The following KLC1 variants were observed in gnomAD, a reference collection of about 807,000 sequenced individuals.
The protein encoded by KLC1 is kinesin light chain 1, also known as kinesin 2 60/70kDa.
Under a neutral mutation model 84.2 loss-of-function variants are expected in KLC1, and 30 were observed. That is an observed-to-expected ratio of 0.36 (90% confidence interval 0.27 to 0.48). The LOEUF is 0.48. KLC1 is among the 20% of genes least tolerant of loss of function. The probability of loss-of-function intolerance (pLI) is 0.99; values close to 1 mark genes in which losing one functional copy is unlikely to be tolerated. For synonymous variants in KLC1, 289 were observed against 293.3 expected (o/e 0.99, Z 0.15); for missense variants, 499 against 805.4 (o/e 0.62, Z 4.60).
intron 2 of KLC1, 63 bp from the exon 3 acceptor site, chr14:103,657,483 C>T (rs2078925856): frequency 1.9e-5 from 25 of 1,335,520 alleles, no homozygotes; most frequent in Admixed American, 1.1e-4. Context: ...AATGTTCGCA[C>T]GGGTGGGAGG....
rs1010053852 is a variant in KLC1, at chr14:103,701,329, G to C, written c.*130G>C. On this transcript the variant is annotated 3_prime_UTR_variant, in exon 17 of 17. Coordinates refer to ENST00000334553, the MANE Select transcript of KLC1 (RefSeq NM_001394837.1). The stretch of plus-strand genomic sequence containing the variant: ...GCGCTCACTCATTTCTCCTGCGTCT[G>C]TGTGCATAGGACATGATACTAATAA... 2.0e-6 allele frequency: 2 copies of C among 999,798 alleles called. No homozygotes were observed. The highest frequency in any genetic ancestry group is 1.5e-6 in the Non-Finnish European group (1 of 671,608). 61.9% of individuals were successfully genotyped at this position (999,798 alleles called of 1,614,324 possible).
At chr14:103,656,657 T>C (rs2078862822) in intron 2 of KLC1, among the ~76,000 whole-genome samples, 1 of 152,162 alleles carries the variant, frequency 6.6e-6, no homozygotes, top group African/African-American at 2.4e-5. Flanking sequence ...TGTTTGGATA[T>C]TGTGAACGTA....
intron 1 of KLC1, among the ~76,000 whole-genome samples, chr14:103,650,941 A>G (rs778540381): frequency 6.6e-6 from 1 of 151,996 alleles, no homozygotes; most frequent in Non-Finnish European, 1.5e-5. Flanking sequence ...TCAGAAACGC[A>G]TTTTGTTTCT....
rs1567022490 is a variant in KLC1, at chr14:103,662,774, C to T, written c.644C>T (p.Thr215Met). The change falls in exon 5 of 17, where the codon ACG becomes ATG. Residue 215 changes from threonine to methionine, a missense_variant. Coordinates refer to ENST00000334553, the MANE Select transcript of KLC1 (RefSeq NM_001394837.1). ...GGYEIPARLR[T>M]LHNLVIQYAS... The stretch of plus-strand genomic sequence containing the variant: ...TACGAGATCCCCGCGCGGCTGCGGA[C>T]GCTCCACAACCTGGTGATCCAGTAC... The T allele has an allele frequency of 2.5e-6, 4 of 1,611,912 alleles. No homozygotes were observed. Among genetic ancestry groups the T allele is most frequent in the Middle Eastern group, 1.7e-4 (1 of 6,042 alleles).
chr14:103,634,321 C>T (rs1236168246), intron 1 of KLC1, among the ~76,000 whole-genome samples: 1 of 152,132 alleles, frequency 6.6e-6, no homozygotes, highest in Non-Finnish European at 1.5e-5. Context: ...TGAAGGAATG[C>T]ATCTAGAATG....
chr14:103,695,156 A>G, intron 15 of KLC1: 1 of 894,436 alleles, frequency 1.1e-6, no homozygotes, highest in Non-Finnish European at 1.3e-6. Context: ...AAAAATGTTA[A>G]ATTATATATA....
intron 3 of KLC1, among the ~76,000 whole-genome samples, chr14:103,658,508 C>T (rs1409130575): frequency 6.9e-6 from 1 of 145,844 alleles, no homozygotes; most frequent in Admixed American, 7.0e-5. Context: ...CTCCTGGCCT[C>T]AAGTGATCTG....
At chr14:103,654,959 G>T (rs1049884073) in intron 2 of KLC1, 134 bp downstream of exon 2, 18 of 1,001,532 alleles carry the variant, frequency 1.8e-5, no homozygotes, top group Non-Finnish European at 2.3e-5. Flanking sequence ...GTGCGGTGTG[G>T]CTCAGGCCTG....
intron 5 of KLC1, among the ~76,000 whole-genome samples, chr14:103,666,815 C>T (rs1176977737): frequency 3.6e-5 from 5 of 137,722 alleles, no homozygotes; most frequent in Non-Finnish European, 7.7e-5. Context: ...CTTGCTCTGT[C>T]GCCCGGGCTG....
intron 1 of KLC1, among the ~76,000 whole-genome samples, chr14:103,643,004 C>A (rs945231696): frequency 2.6e-5 from 4 of 152,144 alleles, no homozygotes; most frequent in African/African-American, 2.4e-5. Context: ...CTCCTGACCT[C>A]AGGTAATCCA....
chr14:103,681,639 A>G (rs2081347156), intron 13 of KLC1, among the ~76,000 whole-genome samples: 1 of 152,042 alleles, frequency 6.6e-6, no homozygotes, highest in Admixed American at 6.6e-5. Flanking sequence ...TTTTATTTTT[A>G]GTAGAGACAG....
At chr14:103,632,640 G>C (rs1297822948) in intron 1 of KLC1, among the ~76,000 whole-genome samples, 3 of 152,026 alleles carry the variant, frequency 2.0e-5, no homozygotes, top group Non-Finnish European at 2.9e-5. Flanking sequence ...AGAATCGCTT[G>C]AACTGGGGAG....
At chr14:103,666,919 G>A (rs1373840184) in intron 5 of KLC1, among the ~76,000 whole-genome samples, 2 of 151,796 alleles carry the variant, frequency 1.3e-5, no homozygotes, top group African/African-American at 4.8e-5. Context: ...TGGGATTACA[G>A]GTGCCCGCCA....
chr14:103,692,672 G>A (rs943391422), intron 15 of KLC1, among the ~76,000 whole-genome samples: 1 of 152,152 alleles, frequency 6.6e-6, no homozygotes, highest in African/African-American at 2.4e-5. Context: ...ATCTCAAATG[G>A]TCTTTAAAAA....
intron 1 of KLC1, among the ~76,000 whole-genome samples, chr14:103,653,918 C>T (rs937927347): frequency 1.3e-5 from 2 of 152,182 alleles, no homozygotes; most frequent in Non-Finnish European, 2.9e-5. Context: ...TTCCCCTTTC[C>T]TCCCCCTTTT....
Position 103,700,816 on chromosome 14 carries a change from G to A in KLC1, c.*1+89G>A, listed in dbSNP as rs1277626229. The A allele has an allele frequency of 3.1e-5, 34 of 1,105,502 alleles. No homozygotes were observed. The East Asian group carries it at 4.2e-4, about 14-fold the overall frequency. 68.5% of individuals were successfully genotyped at this position (1,105,502 alleles called of 1,614,324 possible). A position where few individuals can be genotyped will look rare whatever the true frequency, so the allele number is the denominator to read the frequency against. On this transcript the variant is annotated intron_variant, in intron 16 of 16. Coordinates refer to ENST00000334553, the MANE Select transcript of KLC1 (RefSeq NM_001394837.1). ...GCAGGGACTGGGGGGAGCTGGGGATGGGCAAGTGGTGACTGCTGCTAGCTG... is the reference window on the plus strand; with the variant it reads ...GCAGGGACTGGGGGGAGCTGGGGATAGGCAAGTGGTGACTGCTGCTAGCTG...
chr14:103,693,968 A>C lies in KLC1; in HGVS notation c.1848+1543A>C, dbSNP rs1435444208. ...TGCCACCTTTTTGCCATGACACCAG[A>C]CTCTCTTTTAAATTGTAATATTGTA... On this transcript the variant is annotated intron_variant, in intron 15 of 16. Coordinates refer to ENST00000334553, the MANE Select transcript of KLC1 (RefSeq NM_001394837.1). This position sits in a 1 kb window ranked among gnomAD's most constrained non-coding sequence, Gnocchi z 5.1. The C allele has an allele frequency of 1.4e-5, 16 of 1,159,220 alleles. No individual in the cohort carries two copies. The highest frequency in any genetic ancestry group is 1.6e-5 in the Non-Finnish European group (15 of 938,218). The allele number at this position is 1,159,220 out of a possible 1,614,324, so 71.8% of individuals were successfully genotyped here.
intron 1 of KLC1, among the ~76,000 whole-genome samples, chr14:103,648,510 T>C (rs1197815501): frequency 6.6e-6 from 1 of 152,092 alleles, no homozygotes; most frequent in Non-Finnish European, 1.5e-5. Context: ...TGGCCTGGCA[T>C]GGTGGCTCAT....
At chr14:103,691,802 T>C (rs966284843) in intron 14 of KLC1, among the ~76,000 whole-genome samples, 8 of 151,886 alleles carry the variant, frequency 5.3e-5, no homozygotes, top group African/African-American at 1.7e-4. Context: ...GACAGGGTCT[T>C]GCTCTGTCTC....
Sources: allele counts gnomAD v4.1 joint callset (sites outside exome capture counted in the v4.1 genomes callset), GRCh38; gene constraint gnomAD v4.1.1; non-coding constraint Gnocchi (gnomAD v3.1); transcripts MANE v1.5; gene names NCBI Gene and HGNC (gene_info 2026-07-23, HGNC 2026-07-21).